Variants in HPSE2 observed in about 807,000 individuals in gnomAD.
The protein encoded by HPSE2 is inactive heparanase-2.
A neutral mutation model predicts 60.5 loss-of-function variants in HPSE2; 38 were observed. The observed-to-expected ratio is 0.63, with a 90% CI of 0.48 to 0.82. HPSE2 has a LOEUF of 0.82. Among genes scored for constraint, HPSE2 ranks in the 40% least tolerant of loss-of-function variants. HPSE2 has a pLI of 0.00. For synonymous variants in HPSE2, 295 were observed against 293.2 expected (o/e 1.01, Z -0.06); for missense variants, 713 against 740.4 (o/e 0.96, Z 0.43).
chr10:99,170,985 T>C (rs1030720740), intron 2 of HPSE2, among the ~76,000 whole-genome samples: 1 of 152,252 alleles, frequency 6.6e-6, no homozygotes, highest in African/African-American at 2.4e-5. Flanking sequence ...ATTTGAAGTA[T>C]ACAGGAGGAT....
intron 6 of HPSE2, among the ~76,000 whole-genome samples, chr10:98,682,342 A>G (rs1458136279): frequency 1.3e-5 from 2 of 152,222 alleles, no homozygotes; most frequent in East Asian, 3.8e-4. Flanking sequence ...TACAACCTGC[A>G]GAACTGTTAG....
intron 3 of HPSE2, among the ~76,000 whole-genome samples, chr10:98,942,596 G>C (rs1955043766): frequency 6.6e-6 from 1 of 152,118 alleles, no homozygotes; most frequent in South Asian, 2.1e-4. Flanking sequence ...TGCTGGAGAG[G>C]ATGCAGAGAA....
intron 9 of HPSE2, among the ~76,000 whole-genome samples, chr10:98,513,687 G>C (rs578120291): frequency 1.3e-5 from 2 of 152,218 alleles, no homozygotes; most frequent in Non-Finnish European, 2.9e-5. Context: ...TATGCTTTTG[G>C]TAAGAGCTAT....
intron 3 of HPSE2, among the ~76,000 whole-genome samples, chr10:99,080,753 A>G (rs1482397021): frequency 6.6e-6 from 1 of 152,226 alleles, no homozygotes; most frequent in Non-Finnish European, 1.5e-5. Flanking sequence ...TGCTTTATAT[A>G]AATCAGCTCT....
At chr10:99,095,930 C>T (rs1468022365) in intron 3 of HPSE2, among the ~76,000 whole-genome samples, 1 of 152,126 alleles carries the variant, frequency 6.6e-6, no homozygotes, top group Non-Finnish European at 1.5e-5. Context: ...ACTTTCTTTG[C>T]TTGTATACAA....
At chr10:98,595,864 G>C (rs1422676389) in intron 9 of HPSE2, among the ~76,000 whole-genome samples, 1 of 152,026 alleles carries the variant, frequency 6.6e-6, no homozygotes, top group East Asian at 1.9e-4. Context: ...CTATTGTTTT[G>C]CGATACATTC....
chr10:98,565,845 G>A (rs1015076801), intron 9 of HPSE2, among the ~76,000 whole-genome samples: 1 of 57,076 alleles, frequency 1.8e-5, no homozygotes, highest in African/African-American at 4.2e-5. Context: ...ATAAAAACCT[G>A]TATCATCATC....
chr10:98,714,047 T>C (rs1311557838), intron 5 of HPSE2, among the ~76,000 whole-genome samples: 2 of 151,992 alleles, frequency 1.3e-5, no homozygotes. Flanking sequence ...ACTATAGTTC[T>C]CTTTCTTGTT....
chr10:98,648,640 G>A (rs1946839019), intron 6 of HPSE2, among the ~76,000 whole-genome samples: 2 of 151,932 alleles, frequency 1.3e-5, no homozygotes, highest in African/African-American at 4.8e-5. Context: ...AATTAGCTGG[G>A]TGTAGTGGTA....
chr10:98,520,121 T>C (rs1191629487), intron 9 of HPSE2, among the ~76,000 whole-genome samples: 1 of 152,212 alleles, frequency 6.6e-6, no homozygotes, highest in Admixed American at 6.5e-5. Flanking sequence ...GGCTACAATG[T>C]GTGACTGGTG....
At chr10:99,074,067 G>T (rs769458732) in intron 3 of HPSE2, among the ~76,000 whole-genome samples, 50 of 145,146 alleles carry the variant, frequency 3.4e-4, no homozygotes, top group Non-Finnish European at 5.8e-4. Context: ...TTGCCTATTT[G>T]CTCTGGCTAG....
chr10:98,638,348 G>A (rs1006303146), intron 7 of HPSE2, among the ~76,000 whole-genome samples: 9 of 150,590 alleles, frequency 6.0e-5, no homozygotes, highest in Non-Finnish European at 1.0e-4. Context: ...GGGAGGCTGC[G>A]GCAGGAGAAA....
At chr10:98,604,593 T>C (rs1475406198) in intron 9 of HPSE2, among the ~76,000 whole-genome samples, 1 of 152,184 alleles carries the variant, frequency 6.6e-6, no homozygotes, top group South Asian at 2.1e-4. Flanking sequence ...AATTTAGTAG[T>C]AGATGGACCC....
At chr10:98,650,213 A>G (rs1259320251) in intron 6 of HPSE2, among the ~76,000 whole-genome samples, 1 of 152,196 alleles carries the variant, frequency 6.6e-6, no homozygotes, top group Non-Finnish European at 1.5e-5. Flanking sequence ...TGAATGGAAA[A>G]GTCTCTGAGG....
In HPSE2 at chr10:98,849,444, AG is replaced by A. The variant is rs555283268; in HGVS notation, c.611-105389del. Among the ~76,000 whole-genome samples the A allele has an allele frequency of 2.0e-3, 306 of 152,354 alleles. 2 individuals are homozygous for A. The highest frequency in any genetic ancestry group is 6.8e-3 in the Middle Eastern group (2 of 294). ...AGTAAATAAGCCAAAGAGTAAGCTA[AG>A]ATTGGAAATATCTGACAACCATCCT... On this transcript the variant is annotated intron_variant, in intron 3 of 11. Transcript: ENST00000370552.
At chr10:98,980,337 T>C (rs1423904801) in intron 3 of HPSE2, among the ~76,000 whole-genome samples, 1 of 152,280 alleles carries the variant, frequency 6.6e-6, no homozygotes, top group African/African-American at 2.4e-5. Flanking sequence ...TCATGGAATA[T>C]TGGTGTTAAA....
chr10:98,920,073 A>C (rs1954238578), intron 3 of HPSE2, among the ~76,000 whole-genome samples: 1 of 152,014 alleles, frequency 6.6e-6, no homozygotes, highest in Admixed American at 6.6e-5. Flanking sequence ...TGCAGTGTTC[A>C]CTCTGAGGTC....
the HPSE2 span, among the ~76,000 whole-genome samples, chr10:99,278,984 A>T: frequency 1.3e-5 from 2 of 152,208 alleles, no homozygotes; most frequent in Non-Finnish European, 2.9e-5. Flanking sequence ...GCCTGTTTAG[A>T]TTCTACACTT....
intron 6 of HPSE2, among the ~76,000 whole-genome samples, chr10:98,689,241 G>A (rs944981786): frequency 6.6e-6 from 1 of 151,956 alleles, no homozygotes. Context: ...AGGCTATTTG[G>A]TATTAGCAAT....
Sources: allele counts gnomAD v4.1 joint callset (sites outside exome capture counted in the v4.1 genomes callset), GRCh38; gene constraint gnomAD v4.1.1; transcripts MANE v1.5; gene names NCBI Gene and HGNC (gene_info 2026-07-23, HGNC 2026-07-21).